Variants in KCNAB1 observed in about 807,000 individuals in gnomAD.
KCNAB1 encodes voltage-gated potassium channel subunit beta-1.
Under a neutral mutation model 64.6 loss-of-function variants are expected in KCNAB1, and 35 were observed. The observed-to-expected ratio is 0.54, with a 90% confidence interval of 0.41 to 0.72. The LOEUF is 0.72. Among genes scored for constraint, KCNAB1 ranks in the 30% least tolerant of loss-of-function variants. The probability of loss-of-function intolerance (pLI) is 0.00; values close to 1 mark genes in which losing one functional copy is unlikely to be tolerated. For synonymous variants in KCNAB1, 177 were observed against 183.8 expected, an observed-to-expected ratio of 0.96 and a Z score of 0.30; for missense variants, 401 against 512.9, an observed-to-expected ratio of 0.78 and a Z score of 2.11.
At chr3:156,218,330 C>T (rs1326946844) in intron 1 of KCNAB1, among the ~76,000 whole-genome samples, 1 of 152,202 alleles carries the variant, frequency 6.6e-6, no homozygotes, top group African/African-American at 2.4e-5. Flanking sequence ...CCCACAGCAG[C>T]CACAGCAAGC....
chr3:156,507,100 C>A (rs1716879786), intron 8 of KCNAB1, among the ~76,000 whole-genome samples: 1 of 152,298 alleles, frequency 6.6e-6, no homozygotes, highest in Middle Eastern at 3.4e-3. Context: ...GAACCTCTCA[C>A]GATGACAGAT....
chr3:156,263,718 A>T (rs1002957351), intron 1 of KCNAB1, among the ~76,000 whole-genome samples: 1 of 152,102 alleles, frequency 6.6e-6, no homozygotes, highest in Non-Finnish European at 1.5e-5. Flanking sequence ...CATCTTATGC[A>T]TGTCCTCCCA....
At chr3:156,421,544 C>T in intron 1 of KCNAB1, 72 bp from the exon 2 acceptor site, 1 of 1,460,260 alleles carries the variant, frequency 6.8e-7, no homozygotes, top group Non-Finnish European at 9.5e-7. Flanking sequence ...AATGGAGATA[C>T]AATATCCACT....
chr3:156,229,295 C>T (rs1716376248), intron 1 of KCNAB1, among the ~76,000 whole-genome samples: 1 of 152,090 alleles, frequency 6.6e-6, no homozygotes, highest in African/African-American at 2.4e-5. Flanking sequence ...GCACAGCTTA[C>T]ATGGCCAGAG....
At chr3:156,497,801 G>A (rs1716108547) in intron 8 of KCNAB1, among the ~76,000 whole-genome samples, 1 of 152,208 alleles carries the variant, frequency 6.6e-6, no homozygotes, top group African/African-American at 2.4e-5. Flanking sequence ...TTCTTAGTGA[G>A]TATGTTGCCT....
intron 8 of KCNAB1, among the ~76,000 whole-genome samples, chr3:156,483,566 A>T (rs1234835234): frequency 1.3e-5 from 2 of 152,070 alleles, no homozygotes; most frequent in African/African-American, 4.8e-5. Flanking sequence ...TGCTCATCAT[A>T]TAAATTCTGC....
intron 1 of KCNAB1, among the ~76,000 whole-genome samples, chr3:156,257,472 G>A (rs547596621): frequency 7.2e-5 from 11 of 152,100 alleles, no homozygotes; most frequent in Non-Finnish European, 1.5e-4. Flanking sequence ...AATTGTCTGG[G>A]GAGGGATCCG....
chr3:156,191,136 A>G (rs189385721), intron 1 of KCNAB1, among the ~76,000 whole-genome samples: 13 of 152,396 alleles, frequency 8.5e-5, no homozygotes, highest in Admixed American at 7.8e-4. Context: ...ACAAATATCA[A>G]CTGGTTAGAT....
chr3:156,180,983 C>T (rs1006363177), intron 1 of KCNAB1, among the ~76,000 whole-genome samples: 1 of 152,140 alleles, frequency 6.6e-6, no homozygotes, highest in Non-Finnish European at 1.5e-5. Flanking sequence ...GGGTAGGGTT[C>T]TCCTGAGGCC....
chr3:156,315,923 T>C (rs1722243835), intron 1 of KCNAB1, among the ~76,000 whole-genome samples: 1 of 152,170 alleles, frequency 6.6e-6, no homozygotes, highest in Admixed American at 6.5e-5. Context: ...CCTGACAACA[T>C]GTTTGTATCA....
At position 156,283,201 on chromosome 3, in the gene KCNAB1, A is replaced by G. The variant is rs554931336; in HGVS notation, c.276-138415A>G. Among the ~76,000 whole-genome samples, 123 of 149,966 alleles carry G rather than the reference A, an allele frequency of 8.2e-4. No homozygotes were observed. The Middle Eastern group carries it at 0.014, about 17-fold the overall frequency. ...CTCAGCATTTGCTTGTCTGTAAAGTATTTTATTTCTCCTTCACTTATGAAG... is the reference window on the plus strand; with the variant it reads ...CTCAGCATTTGCTTGTCTGTAAAGTGTTTTATTTCTCCTTCACTTATGAAG... On this transcript the variant is annotated intron_variant, in intron 1 of 13. Coordinates refer to ENST00000490337, the MANE Select transcript of KCNAB1 (RefSeq NM_172160.3).
chr3:156,480,153 G>A (rs1458031276), intron 8 of KCNAB1, among the ~76,000 whole-genome samples: 1 of 152,072 alleles, frequency 6.6e-6, no homozygotes, highest in East Asian at 1.9e-4. Flanking sequence ...TTTAACCACA[G>A]TAGATCAGGC....
intron 8 of KCNAB1, among the ~76,000 whole-genome samples, chr3:156,477,511 A>C (rs1714459043): frequency 6.6e-6 from 1 of 152,124 alleles, no homozygotes; most frequent in Admixed American, 6.6e-5. Context: ...CAGGCCAATC[A>C]ACCTCTGAGG....
chr3:156,134,349 G>A (rs1362690196), intron 1 of KCNAB1, among the ~76,000 whole-genome samples: 3 of 152,138 alleles, frequency 2.0e-5, no homozygotes, highest in Non-Finnish European at 4.4e-5. Flanking sequence ...CTGTCAGGAT[G>A]CCTGCCTCTG....
chr3:156,254,331 G>A (rs1717981678), intron 1 of KCNAB1, among the ~76,000 whole-genome samples: 2 of 152,208 alleles, frequency 1.3e-5, no homozygotes, highest in African/African-American at 2.4e-5. Flanking sequence ...GTCAGGCACT[G>A]GCCACAGGAA....
At chr3:156,304,910 T>A (rs552527629) in intron 1 of KCNAB1, among the ~76,000 whole-genome samples, 2 of 152,316 alleles carry the variant, frequency 1.3e-5, no homozygotes, top group East Asian at 3.9e-4. Context: ...CAAGTATTTA[T>A]CCTACATGTT....
chr3:156,496,364 A>G (rs371009008), intron 8 of KCNAB1, among the ~76,000 whole-genome samples: 82 of 152,220 alleles, frequency 5.4e-4, no homozygotes, highest in African/African-American at 1.7e-3. Context: ...TGCTGTTCTC[A>G]TGATGGTGAA....
At chr3:156,428,390 A>G (rs1004062196) in intron 2 of KCNAB1, among the ~76,000 whole-genome samples, 18 of 152,018 alleles carry the variant, frequency 1.2e-4, no homozygotes, top group Non-Finnish European at 2.1e-4. Flanking sequence ...GAGTAGAACT[A>G]TACCATTAAC....
chr3:156,428,106 T>C (rs1715949957), intron 2 of KCNAB1, among the ~76,000 whole-genome samples: 1 of 152,184 alleles, frequency 6.6e-6, no homozygotes, highest in Non-Finnish European at 1.5e-5. Flanking sequence ...GTCCAGATAT[T>C]TAGTCACATT....
Sources: gnomAD v4.1 joint callset for allele counts (sites outside exome capture counted in the v4.1 genomes callset) on GRCh38, gnomAD v4.1.1 for gene constraint, MANE v1.5 for transcripts, NCBI Gene and HGNC (gene_info 2026-07-23, HGNC 2026-07-21) for gene names.